The following FAAH variants were observed in gnomAD, a reference collection of about 807,000 sequenced individuals.
FAAH encodes the protein fatty acid amide hydrolase, also known as fatty-acid amide hydrolase 1.
FAAH carries 63 observed loss-of-function variants against 69.7 expected under a neutral mutation model. That is an observed-to-expected ratio of 0.90 (90% CI 0.74 to 1.12). The LOEUF (loss-of-function observed/expected upper bound fraction) is 1.12, where lower values mean the gene tolerates loss of function less well. Among genes scored for constraint, FAAH ranks in the 50% most tolerant of loss-of-function variants. FAAH has a pLI of 0.00. For synonymous variants in FAAH, 305 were observed against 324.2 expected (o/e 0.94, Z 0.64); for missense variants, 680 against 755.0 (o/e 0.90, Z 1.16).
At chr1:46,407,822 C>A (rs1664828330) in intron 7 of FAAH, among the ~76,000 whole-genome samples, 1 of 152,214 alleles carries the variant, frequency 6.6e-6, no homozygotes, top group Non-Finnish European at 1.5e-5. Context: ...CGTTTCTCAG[C>A]AGTCCAGCGA....
chr1:46,408,442 C>T lies in FAAH; in HGVS notation c.952-17C>T. 1 of 1,614,100 alleles carries T rather than the reference C, an allele frequency of 6.2e-7. No homozygotes were observed. The highest frequency in any genetic ancestry group is 1.3e-5 in the African/African-American group (1 of 75,036). On this transcript the variant is annotated splice_polypyrimidine_tract_variant and intron_variant, in intron 7 of 14. Transcript: ENST00000243167. Reference sequence around the variant, plus strand: ...TCTTCTCCTGACCTGCCCCTGTCCCCTGTGTTTTCCCTCCAGGTCTACACC... The same window carrying T: ...TCTTCTCCTGACCTGCCCCTGTCCCTTGTGTTTTCCCTCCAGGTCTACACC...
chr1:46,402,278 C>A, intron 2 of FAAH, 74 bp downstream of exon 2: 1 of 1,255,936 alleles, frequency 8.0e-7, no homozygotes, highest in Non-Finnish European at 1.1e-6. Flanking sequence ...CTTTCCCCTC[C>A]CTCTGTCCGC....
chr1:46,405,504 A>G lies in FAAH; in HGVS notation c.577A>G (p.Ser193Gly), dbSNP rs1207801790. 6.7e-6 allele frequency: 6 copies of G among 894,046 alleles called. 1 individual carries two copies. The Admixed American group carries it at 1.2e-4, about 18-fold the overall frequency. The allele number at this position is 894,046 out of a possible 1,614,324, so 55.4% of individuals were successfully genotyped here. ...CACCAATGTTCCACAGTCCATGTTC[A>G]GGTTGGGTCTTGGGGTGGGGCGGGG... ...VHTNVPQSMFSYDCSNPLFGQ... is the reference protein window; with the variant it reads ...VHTNVPQSMFGYDCSNPLFGQ... The change falls in exon 4 of 15, where the codon AGC becomes GGC. Residue 193 changes from serine (S) to glycine (G), a missense_variant and splice_region_variant. Physicochemically the swap from Ser to Gly is moderately conservative, Grantham distance 56. Coordinates refer to ENST00000243167, the MANE Select transcript of FAAH (RefSeq NM_001441.3). This position sits in a 1 kb window ranked among gnomAD's most constrained non-coding sequence, Gnocchi z 4.1.
chr1:46,399,277 G>A (rs1664655481), intron 1 of FAAH, among the ~76,000 whole-genome samples: 1 of 152,220 alleles, frequency 6.6e-6, no homozygotes, highest in Non-Finnish European at 1.5e-5. Context: ...AATTGTGCAT[G>A]CAGGTGGCCA....
chr1:46,409,247 A>G, intron 9 of FAAH, 49 bp downstream of exon 9: 1 of 1,439,412 alleles, frequency 6.9e-7, no homozygotes, highest in Non-Finnish European at 9.8e-7. Flanking sequence ...ACAAGTAGGC[A>G]GACCTGGGGG....
At chr1:46,409,743 C>G (rs1664871753) in intron 9 of FAAH, among the ~76,000 whole-genome samples, 1 of 152,182 alleles carries the variant, frequency 6.6e-6, no homozygotes, top group Non-Finnish European at 1.5e-5. Context: ...AAGGTGCCTC[C>G]TGGTGACATA....
chr1:46,406,675 C>CGGGTTCACGCCATTCTCCT (rs376524217), intron 7 of FAAH, among the ~76,000 whole-genome samples: 59 of 151,044 alleles, frequency 3.9e-4, no homozygotes, highest in African/African-American at 1.1e-3. Context: ...CTCCGCCTCC[C>CGGGTTCACGCCATTCTCCT]GGGTTCACGC....
In FAAH at chr1:46,410,329, T is replaced by C. The variant is rs1664888021; in HGVS notation, c.1176-69T>C. 8.1e-7 allele frequency: 1 copy of C among 1,241,508 alleles called. No individual in the cohort carries two copies. The highest frequency in any genetic ancestry group is 2.3e-5 in the East Asian group (1 of 43,120). The allele number at this position is 1,241,508 out of a possible 1,614,324, so 76.9% of individuals were successfully genotyped here. A position where few individuals can be genotyped will look rare whatever the true frequency, so the allele number is the denominator to read the frequency against. On this transcript the variant is annotated intron_variant, in intron 9 of 14. Coordinates refer to ENST00000243167, the MANE Select transcript of FAAH (RefSeq NM_001441.3). The surrounding 1 kb of genome is among the most constrained non-coding windows in gnomAD (Gnocchi z 4.9). ...CCCTGCATAGAGAATGGGATTGCTG[T>C]GGGCCGGGCGAGCAAGCTGGGAAGG...
intron 6 of FAAH, 63 bp downstream of exon 6, chr1:46,406,141 C>T (rs1024809599): frequency 1.2e-5 from 19 of 1,613,800 alleles, no homozygotes; most frequent in African/African-American, 1.3e-5. Context: ...CCGCTTCCGC[C>T]CGTGCTTCTC....
intron 9 of FAAH, among the ~76,000 whole-genome samples, chr1:46,409,652 C>T (rs1231926268): frequency 1.3e-5 from 2 of 152,120 alleles, no homozygotes; most frequent in Admixed American, 6.6e-5. Context: ...AGGGACTTTG[C>T]AGAGCTCATT....
chr1:46,396,650 T>A (rs1382041069), intron 1 of FAAH, among the ~76,000 whole-genome samples: 1 of 152,168 alleles, frequency 6.6e-6, no homozygotes, highest in African/African-American at 2.4e-5. Context: ...ACAAAGCACA[T>A]CCTGCACAGC....
intron 7 of FAAH, 35 bp downstream of exon 7, chr1:46,406,403 C>A (rs1482656673): frequency 6.2e-7 from 1 of 1,613,236 alleles, no homozygotes; most frequent in Non-Finnish European, 8.5e-7. Context: ...ATGTGGACCG[C>A]TGAACCCAGA....
rs549926715 is a variant in FAAH at position 46,404,366 on chromosome 1, C to G, written c.310-648C>G. Among the ~76,000 whole-genome samples, 19 of 152,382 alleles carry G rather than the reference C, an allele frequency of 1.2e-4. No homozygotes were observed. The highest frequency in any genetic ancestry group is 6.2e-4 in the South Asian group (3 of 4,830). Reference sequence around the variant, plus strand: ...AAGCTGCATCTCACTCTGCCCTCACCTTTCCTTCTGTAGGACCCTGTGTGG... The same window carrying G: ...AAGCTGCATCTCACTCTGCCCTCACGTTTCCTTCTGTAGGACCCTGTGTGG... On this transcript the variant is annotated intron_variant, in intron 2 of 14. Transcript: ENST00000243167. The surrounding 1 kb of genome is among the most constrained non-coding windows in gnomAD (Gnocchi z 4.5).
At chr1:46,400,599 G>A (rs1664680606) in intron 1 of FAAH, among the ~76,000 whole-genome samples, 1 of 151,188 alleles carries the variant, frequency 6.6e-6, no homozygotes, top group African/African-American at 2.4e-5. Context: ...GGCCTCCCCT[G>A]AGTACAGGGT....
At chr1:46,402,260 G>GCCCCTCCCTTT (rs1553180487) in intron 2 of FAAH, 56 bp downstream of exon 2, 1 of 1,401,836 alleles carries the variant, frequency 7.1e-7, no homozygotes, top group Non-Finnish European at 9.9e-7. Flanking sequence ...GCCAAGGCCA[G>GCCCCTCCCTTT]CCCCTCCCTT....
chr1:46,405,909 A>G lies in FAAH; in HGVS notation c.785+115A>G. 6.2e-7 allele frequency: 1 copy of G among 1,610,396 alleles called. No homozygotes were observed. The highest frequency in any genetic ancestry group is 8.5e-7 in the Non-Finnish European group (1 of 1,179,032). ...CTCCGGGGTTTTGCTGGGAGGAAGC[A>G]TTACAGTACCACTGGCCGGGCGTGG... On this transcript the variant is annotated intron_variant, in intron 5 of 14. Transcript: ENST00000243167. The surrounding 1 kb of genome is among the most constrained non-coding windows in gnomAD (Gnocchi z 4.1).
rs892088696 is a variant in FAAH at position 46,406,355 on chromosome 1, C to A, written c.938C>A (p.Pro313His). 7.4e-6 allele frequency: 12 copies of A among 1,613,936 alleles called. No individual in the cohort carries two copies. In the African/African-American group the frequency reaches 1.5e-4, roughly 20 times the overall value. Residue 313 changes from proline to histidine, a missense_variant, in exon 7 of 15, where the codon CCC becomes CAC. Physicochemically the swap from Pro to His is moderately conservative, Grantham distance 77. Transcript: ENST00000243167. ...TTGGACCCCACTGTGCCTCCCTTGC[C>A]CTTCAGAGAAGAGGTGAGCAGGGCT... ...FRLDPTVPPL[P>H]FREEVYTSSQ...
chr1:46,411,722 C>T lies in FAAH; in HGVS notation c.1356+71C>T. 1 of 1,565,922 alleles carries T rather than the reference C, an allele frequency of 6.4e-7. No individual in the cohort carries two copies. The highest frequency in any genetic ancestry group is 2.3e-5 in the East Asian group (1 of 43,732). On this transcript the variant is annotated intron_variant, in intron 12 of 14. Transcript: ENST00000243167. This position sits in a 1 kb window ranked among gnomAD's most constrained non-coding sequence, Gnocchi z 4.8. ...TGGAGTTGGACAGGGTACCCGCTAGCAGTGTCTCGTGGCCACTGCCCCCAT... is the reference window on the plus strand; with the variant it reads ...TGGAGTTGGACAGGGTACCCGCTAGTAGTGTCTCGTGGCCACTGCCCCCAT...
chr1:46,402,457 G>A (rs1221419575), intron 2 of FAAH, among the ~76,000 whole-genome samples: 1 of 152,218 alleles, frequency 6.6e-6, no homozygotes, highest in African/African-American at 2.4e-5. Flanking sequence ...CTGGCTTTTA[G>A]CCCAGACTTC....
Sources: allele counts gnomAD v4.1 joint callset (sites outside exome capture counted in the v4.1 genomes callset), GRCh38; gene constraint gnomAD v4.1.1; non-coding constraint Gnocchi (gnomAD v3.1); transcripts MANE v1.5; gene names NCBI Gene and HGNC (gene_info 2026-07-23, HGNC 2026-07-21).